NEK7: variants seen among roughly 807,000 people sequenced by gnomAD.
NEK7 encodes the protein NIMA related kinase 7, also known as serine/threonine-protein kinase Nek7.
Under a neutral mutation model 44.6 loss-of-function variants are expected in NEK7, and 18 were observed. The observed-to-expected ratio is 0.40, with a 90% CI of 0.28 to 0.60. NEK7 has a LOEUF of 0.60. Ranked by LOEUF, NEK7 falls within the 20% of genes least tolerant of loss-of-function variation. NEK7 has a pLI of 0.38. For synonymous variants in NEK7, 130 were observed against 121.1 expected, an observed-to-expected ratio of 1.07 and a Z score of -0.48; for missense variants, 256 against 366.5, an observed-to-expected ratio of 0.70 and a Z score of 2.46.
chr1:198,319,612 A>G lies in NEK7; in HGVS notation c.*90A>G. 7.2e-7 allele frequency: 1 copy of G among 1,382,788 alleles called. No individual in the cohort carries two copies. The highest frequency in any genetic ancestry group is 1.8e-5 in the South Asian group (1 of 57,012). The allele number at this position is 1,382,788 out of a possible 1,614,324, so 85.7% of individuals were successfully genotyped here. Reference sequence around the variant, plus strand: ...CCATTTATGTCTGGTGTTAAGATTAATATTTCAGAGCTAGTGTGCTTTGAA... The same window carrying G: ...CCATTTATGTCTGGTGTTAAGATTAGTATTTCAGAGCTAGTGTGCTTTGAA... On this transcript the variant is annotated 3_prime_UTR_variant, in exon 10 of 10. Transcript: ENST00000367385.
chr1:198,282,269 C>T (rs972400854), intron 7 of NEK7, among the ~76,000 whole-genome samples: 13 of 152,048 alleles, frequency 8.5e-5, no homozygotes, highest in Admixed American at 3.3e-4. Context: ...GATTGTGTTA[C>T]TTTCCTCAAA....
intron 1 of NEK7, among the ~76,000 whole-genome samples, chr1:198,217,946 G>A (rs1665971676): frequency 6.6e-6 from 1 of 151,430 alleles, no homozygotes; most frequent in Non-Finnish European, 1.5e-5. Context: ...TAAAACAAAT[G>A]GAAATACATC....
At chr1:198,178,634 T>G (rs773554438) in intron 1 of NEK7, among the ~76,000 whole-genome samples, 4 of 152,066 alleles carry the variant, frequency 2.6e-5, no homozygotes, top group Non-Finnish European at 5.9e-5. Flanking sequence ...TGACTTTATT[T>G]TGCCCAGTAT....
At chr1:198,236,576 C>G (rs1320880320) in intron 2 of NEK7, among the ~76,000 whole-genome samples, 1 of 152,156 alleles carries the variant, frequency 6.6e-6, no homozygotes, top group African/African-American at 2.4e-5. Flanking sequence ...CATCCTAGCT[C>G]TAAGCTGATG....
chr1:198,315,244 T>C (rs1365487320), intron 9 of NEK7, among the ~76,000 whole-genome samples: 10 of 152,194 alleles, frequency 6.6e-5, no homozygotes, highest in East Asian at 1.9e-4. Context: ...AAGGGAACTC[T>C]CTGACCCCTT....
At chr1:198,274,239 C>T (rs559801946) in intron 5 of NEK7, among the ~76,000 whole-genome samples, 34 of 148,296 alleles carry the variant, frequency 2.3e-4, no homozygotes, top group African/African-American at 8.3e-4. Context: ...CCTTGCACAC[C>T]AGGATTGCAT....
At chr1:198,313,006 G>T (rs571630529) in intron 9 of NEK7, among the ~76,000 whole-genome samples, 29 of 151,942 alleles carry the variant, frequency 1.9e-4, no homozygotes, top group Non-Finnish European at 4.0e-4. Flanking sequence ...TTGACTTTCT[G>T]TCTCGTTGAT....
intron 7 of NEK7, among the ~76,000 whole-genome samples, chr1:198,279,262 C>G (rs1026321809): frequency 6.6e-6 from 1 of 151,720 alleles, no homozygotes; most frequent in African/African-American, 2.4e-5. Context: ...GTTAACTTGA[C>G]CTCAGGCAGA....
intron 7 of NEK7, among the ~76,000 whole-genome samples, chr1:198,280,934 T>G (rs1181769074): frequency 6.6e-6 from 1 of 151,682 alleles, no homozygotes; most frequent in Non-Finnish European, 1.5e-5. Context: ...CAAGTATTTT[T>G]TGTTTTACAT....
At position 198,252,882 on chromosome 1, in the gene NEK7, C is replaced by T. The variant is rs190734112; in HGVS notation, c.58-158C>T. Among the ~76,000 whole-genome samples, 6 of 151,950 alleles carry T rather than the reference C, an allele frequency of 3.9e-5. No homozygotes were observed. In the East Asian group the frequency reaches 1.2e-3, roughly 29 times the overall value. On this transcript the variant is annotated intron_variant, in intron 2 of 9. Transcript: ENST00000367385. ...GCTACTGTATCGTCAGTGTGTAGGA[C>T]AGTGCCTGGCATAAGTTCAGTAAAT...
At chr1:198,208,282 C>T (rs938876877) in intron 1 of NEK7, among the ~76,000 whole-genome samples, 1 of 152,174 alleles carries the variant, frequency 6.6e-6, no homozygotes, top group Non-Finnish European at 1.5e-5. Context: ...TGTTATCTTC[C>T]TTCAGATAAT....
At chr1:198,183,758 T>G (rs1571509004) in intron 1 of NEK7, among the ~76,000 whole-genome samples, 2 of 152,342 alleles carry the variant, frequency 1.3e-5, no homozygotes, top group South Asian at 4.1e-4. Context: ...AGCAAATATT[T>G]GCATGCCTGC....
intron 1 of NEK7, among the ~76,000 whole-genome samples, chr1:198,174,892 G>C (rs887556860): frequency 1.3e-5 from 2 of 151,972 alleles, no homozygotes; most frequent in Admixed American, 6.5e-5. Context: ...AAGTAGCTAG[G>C]ACCACAGGTG....
Position 198,222,103 on chromosome 1 carries a change from G to A in NEK7, c.-28-10450G>A, listed in dbSNP as rs573614347. 6.6e-5 allele frequency among the ~76,000 whole-genome samples: 10 copies of A among 151,780 alleles called. No homozygotes were observed. The East Asian group carries it at 1.5e-3, about 24-fold the overall frequency. ...TAAATGGTTCTGTCATTTAATTAGC[G>A]CTTGTGTCTGATATTCAGATTCCTA... On this transcript the variant is annotated intron_variant, in intron 1 of 9. Transcript: ENST00000367385.
At chr1:198,283,962 T>C (rs1654291238) in intron 7 of NEK7, among the ~76,000 whole-genome samples, 1 of 152,146 alleles carries the variant, frequency 6.6e-6, no homozygotes, top group African/African-American at 2.4e-5. Context: ...TAATTCCCAT[T>C]TTCTACCTAC....
At chr1:198,220,477 A>T (rs1666050784) in intron 1 of NEK7, among the ~76,000 whole-genome samples, 1 of 152,128 alleles carries the variant, frequency 6.6e-6, no homozygotes, top group African/African-American at 2.4e-5. Context: ...TTCTTTTCAA[A>T]GATCTGATAG....
chr1:198,180,959 G>T (rs981683274), intron 1 of NEK7, among the ~76,000 whole-genome samples: 1 of 151,994 alleles, frequency 6.6e-6, no homozygotes, highest in Non-Finnish European at 1.5e-5. Context: ...TCTAGTGTAA[G>T]AGAGATATCT....
chr1:198,319,315 C>T (rs1469990377), intron 9 of NEK7, 97 bp from the exon 10 acceptor site: 3 of 689,100 alleles, frequency 4.4e-6, no homozygotes, highest in East Asian at 5.3e-5. Context: ...ATGTACTTTC[C>T]TTGTAAAATC....
intron 1 of NEK7, among the ~76,000 whole-genome samples, chr1:198,196,560 C>A (rs1323206242): frequency 1.3e-5 from 2 of 152,080 alleles, no homozygotes; most frequent in African/African-American, 4.8e-5. Context: ...AATGAGAAAT[C>A]TTTTTCAGTG....
Sources: gnomAD v4.1 joint callset for allele counts (sites outside exome capture counted in the v4.1 genomes callset) on GRCh38, gnomAD v4.1.1 for gene constraint, MANE v1.5 for transcripts, NCBI Gene and HGNC (gene_info 2026-07-23, HGNC 2026-07-21) for gene names.